DIS3: variants seen among roughly 807,000 people sequenced by gnomAD.
DIS3 encodes DIS3 exosome endoribonuclease and 3'-5' exoribonuclease.
Under a neutral mutation model 113.0 loss-of-function variants are expected in DIS3, and 103 were observed. The ratio of observed to expected loss-of-function variants is 0.91; its 90% CI spans 0.78 to 1.07. DIS3 has a LOEUF of 1.07. Among genes scored for constraint, DIS3 ranks in the 50% least tolerant of loss-of-function variants. The pLI, the probability that DIS3 is intolerant of heterozygous loss-of-function variation, is 0.00. For synonymous variants in DIS3, 402 were observed against 394.3 expected (o/e 1.02, Z -0.23); for missense variants, 1,121 against 1,167.1 (o/e 0.96, Z 0.58).
At chr13:72,772,953 C>T (rs971543583) in intron 8 of DIS3, 114 bp from the exon 9 acceptor site, 17 of 1,217,236 alleles carry the variant, frequency 1.4e-5, no homozygotes, top group Non-Finnish European at 1.9e-5. Context: ...ATTCCCATAA[C>T]GATTTCTGAA....
At chr13:72,762,318 A>G (rs1388910147) in intron 16 of DIS3, among the ~76,000 whole-genome samples, 181 bp from the exon 17 acceptor site, 1 of 152,224 alleles carries the variant, frequency 6.6e-6, no homozygotes, top group African/African-American at 2.4e-5. Context: ...CTGTCAGAAC[A>G]ATGTTCGGAT....
intron 14 of DIS3, 28 bp from the exon 15 acceptor site, chr13:72,766,086 T>C (rs751298634): frequency 6.4e-7 from 1 of 1,553,506 alleles, no homozygotes; most frequent in Non-Finnish European, 8.7e-7. Context: ...AGAAAAATTA[T>C]AGTCAAGCAA....
intron 4 of DIS3, 44 bp from the exon 5 acceptor site, chr13:72,776,136 G>C: frequency 6.5e-7 from 1 of 1,543,256 alleles, no homozygotes. Flanking sequence ...TAAGTCTTCT[G>C]TTCACTCAAT....
chr13:72,778,906 T>C (rs9530098), intron 2 of DIS3, among the ~76,000 whole-genome samples: 18,421 of 152,228 alleles, frequency 0.12, 1,395 homozygotes, highest in Non-Finnish European at 0.17. Context: ...GGTATATTAA[T>C]AGATATTACG....
chr13:72,776,141 C>G (rs768913827), intron 4 of DIS3, 49 bp from the exon 5 acceptor site: 1 of 1,522,456 alleles, frequency 6.6e-7, no homozygotes, highest in Non-Finnish European at 8.8e-7. Context: ...CTTCTGTTCA[C>G]TCAATACACA....
At position 72,772,291 on chromosome 13, in the gene DIS3, T is replaced by C. The variant is rs2033904619; in HGVS notation, c.1387-16A>G. 2 of 1,550,586 alleles carry C rather than the reference T, an allele frequency of 1.3e-6. No homozygotes were observed. The highest frequency in any genetic ancestry group is 1.8e-6 in the Non-Finnish European group (2 of 1,133,708). ...TTTTCATGTCCTAGAAGACATGAAA[T>C]GATAAACAAATAAATTATTTCCAAA... On this transcript the variant is annotated splice_polypyrimidine_tract_variant and intron_variant, in intron 9 of 20. Transcript: ENST00000377767.
intron 6 of DIS3, among the ~76,000 whole-genome samples, chr13:72,774,826 T>C (rs1449088551): frequency 6.6e-6 from 1 of 152,176 alleles, no homozygotes; most frequent in African/African-American, 2.4e-5. Flanking sequence ...ATTACGTCTA[T>C]TATGTTAAGG....
At chr13:72,762,652 G>A (rs1366077128) in intron 16 of DIS3, among the ~76,000 whole-genome samples, 3 of 152,146 alleles carry the variant, frequency 2.0e-5, no homozygotes, top group African/African-American at 7.2e-5. Context: ...AGCAATGTAG[G>A]CCATAGTCAC....
chr13:72,763,241 G>A (rs879483783), intron 16 of DIS3, among the ~76,000 whole-genome samples: 55 of 151,942 alleles, frequency 3.6e-4, no homozygotes, highest in Non-Finnish European at 5.9e-4. Flanking sequence ...GGAGGTGGAG[G>A]GTGCAGTGAG....
chr13:72,781,879 A>G lies in DIS3; in HGVS notation c.-47T>C. ...CTAACCCCAGCAGCGCTCTTCCAGCAAAAGGCGTCAATCTAGAATACGCCT... is the reference window on the plus strand; with the variant it reads ...CTAACCCCAGCAGCGCTCTTCCAGCGAAAGGCGTCAATCTAGAATACGCCT... On this transcript the variant is annotated 5_prime_UTR_variant, in exon 1 of 21. Transcript: ENST00000377767. 1 of 1,471,602 alleles carries G rather than the reference A, an allele frequency of 6.8e-7. No individual in the cohort carries two copies. The highest frequency in any genetic ancestry group is 9.1e-7 in the Non-Finnish European group (1 of 1,100,486). 91.2% of individuals were successfully genotyped at this position (1,471,602 alleles called of 1,614,324 possible). A position where few individuals can be genotyped will look rare whatever the true frequency, so the allele number is the denominator to read the frequency against.
chr13:72,771,930 G>A (rs1323003727), intron 10 of DIS3, 34 bp from the exon 11 acceptor site: 1 of 1,589,976 alleles, frequency 6.3e-7, no homozygotes, highest in Admixed American at 1.7e-5. Context: ...ATGTCAATAT[G>A]CTTGACTGGG....
intron 14 of DIS3, among the ~76,000 whole-genome samples, chr13:72,768,185 A>G (rs1267904492): frequency 6.6e-6 from 1 of 152,202 alleles, no homozygotes; most frequent in East Asian, 1.9e-4. Flanking sequence ...TCCAATCTGG[A>G]AACTCATTTC....
At chr13:72,766,206 G>T (rs1443836753) in intron 14 of DIS3, 148 bp from the exon 15 acceptor site, 4 of 572,908 alleles carry the variant, frequency 7.0e-6, no homozygotes, top group Non-Finnish European at 1.2e-5. Context: ...GCTGTTTCAT[G>T]TTCTATTTTC....
intron 11 of DIS3, among the ~76,000 whole-genome samples, 198 bp downstream of exon 11, chr13:72,771,597 C>CT (rs201516269): frequency 0.027 from 4,134 of 152,236 alleles, 417 homozygotes; most frequent in Admixed American, 0.2. Context: ...CAATAAATCA[C>CT]TAATAGACTA....
intron 20 of DIS3, among the ~76,000 whole-genome samples, chr13:72,760,294 G>A (rs1325789488): frequency 2.6e-5 from 4 of 152,140 alleles, no homozygotes; most frequent in Non-Finnish European, 5.9e-5. Flanking sequence ...GACTAGGCAG[G>A]AGAATGGAAG....
rs999429114 is a variant in DIS3 at position 72,764,524 on chromosome 13, T to C, written c.1971-917A>G. On this transcript the variant is annotated intron_variant, in intron 15 of 20. Coordinates refer to ENST00000377767, the MANE Select transcript of DIS3 (RefSeq NM_014953.5). ...TTCTCTTGCTCAAGGTGAGAGTTAC[T>C]AGCAGTATGAGAATTTGAGTCCACA... Among the ~76,000 whole-genome samples the C allele has an allele frequency of 2.6e-5, 4 of 152,292 alleles. No individual in the cohort carries two copies. The South Asian group carries it at 6.2e-4, about 24-fold the overall frequency.
chr13:72,776,693 T>C (rs906271541), intron 4 of DIS3, among the ~76,000 whole-genome samples: 1 of 152,236 alleles, frequency 6.6e-6, no homozygotes, highest in African/African-American at 2.4e-5. Flanking sequence ...TATGAAGTTA[T>C]TATTGCTAAA....
intron 13 of DIS3, among the ~76,000 whole-genome samples, chr13:72,770,648 T>C (rs975366539): frequency 3.3e-5 from 5 of 152,324 alleles, no homozygotes; most frequent in African/African-American, 9.6e-5. Flanking sequence ...CATCTGTACA[T>C]GTTTAAGCAC....
chr13:72,765,463 A>G (rs578200815), intron 15 of DIS3, among the ~76,000 whole-genome samples: 1 of 152,240 alleles, frequency 6.6e-6, no homozygotes, highest in East Asian at 1.9e-4. Flanking sequence ...CTTCTATGCG[A>G]CAAGGGGAGG....
Sources: gnomAD v4.1 joint callset for allele counts (sites outside exome capture counted in the v4.1 genomes callset) on GRCh38, gnomAD v4.1.1 for gene constraint, MANE v1.5 for transcripts, NCBI Gene and HGNC (gene_info 2026-07-23, HGNC 2026-07-21) for gene names.